GRID1: variants seen among roughly 807,000 people sequenced by gnomAD.
The protein encoded by GRID1 is glutamate receptor ionotropic, delta-1.
A neutral mutation model predicts 98.0 loss-of-function variants in GRID1; 28 were observed. The ratio of observed to expected loss-of-function variants is 0.29; its 90% confidence interval spans 0.21 to 0.39. The LOEUF (loss-of-function observed/expected upper bound fraction) is 0.39, where lower values mean the gene tolerates loss of function less well. Among genes scored for constraint, GRID1 ranks in the 10% least tolerant of loss-of-function variants. GRID1 has a pLI of 1.00. For synonymous variants in GRID1, 553 were observed against 538.5 expected (o/e 1.03, Z -0.37); for missense variants, 1,111 against 1,340.5 (o/e 0.83, Z 2.67).
chr10:85,967,137 A>G (rs901366321), intron 4 of GRID1, among the ~76,000 whole-genome samples: 1 of 152,212 alleles, frequency 6.6e-6, no homozygotes, highest in Non-Finnish European at 1.5e-5. Context: ...GCTTTCTGCC[A>G]TGATTGTGAG....
chr10:85,837,661 G>C (rs913227564), intron 8 of GRID1, among the ~76,000 whole-genome samples: 8 of 151,648 alleles, frequency 5.3e-5, no homozygotes, highest in Admixed American at 4.6e-4. Flanking sequence ...CCATCCAGAG[G>C]TCAGCAACCT....
At chr10:85,704,322 G>A (rs751303267) in intron 12 of GRID1, among the ~76,000 whole-genome samples, 44 of 152,136 alleles carry the variant, frequency 2.9e-4, no homozygotes, top group Non-Finnish European at 4.4e-4. Flanking sequence ...TGCAATCCTA[G>A]TCTCTGATAA....
At chr10:85,811,215 T>C (rs1049644392) in intron 8 of GRID1, among the ~76,000 whole-genome samples, 3 of 152,142 alleles carry the variant, frequency 2.0e-5, no homozygotes, top group Non-Finnish European at 4.4e-5. Flanking sequence ...AATCGACATA[T>C]AAAAACCCAT....
At chr10:85,621,072 C>G (rs1007893944) in intron 13 of GRID1, among the ~76,000 whole-genome samples, 6 of 152,180 alleles carry the variant, frequency 3.9e-5, no homozygotes, top group African/African-American at 1.2e-4. Context: ...GGAGTTTGGG[C>G]ACTCGGAGGG....
rs1365939350 is a variant in GRID1, at chr10:86,247,251, GGATGGATAGATGGATGGATGGATA to G, written c.236-40627_236-40604del. ...TGGAAGGACAGAGGGATGGACAGAT[GGATGGATAGATGGATGGATGGATA>G]GATGGATAGACGGATGGATGGATGG... On this transcript the variant is annotated intron_variant, in intron 2 of 15. Coordinates refer to ENST00000327946, the MANE Select transcript of GRID1 (RefSeq NM_017551.3). Among the ~76,000 whole-genome samples the G allele has an allele frequency of 3.5e-5, 3 of 85,952 alleles. No individual in the cohort carries two copies. The East Asian group carries it at 6.3e-4, about 18-fold the overall frequency. 56.4% of individuals were successfully genotyped at this position (85,952 alleles called of 152,430 possible).
intron 2 of GRID1, among the ~76,000 whole-genome samples, chr10:86,321,326 T>A (rs1193005799): frequency 6.6e-6 from 1 of 152,048 alleles, no homozygotes; most frequent in Admixed American, 6.5e-5. Context: ...TAAAAATGAA[T>A]AGAGATCGGG....
chr10:85,970,692 G>T (rs1423168344), intron 4 of GRID1, among the ~76,000 whole-genome samples: 2 of 151,938 alleles, frequency 1.3e-5, no homozygotes, highest in Non-Finnish European at 2.9e-5. Context: ...CCTGATAAAG[G>T]ACATCTATGA....
chr10:85,613,316 A>G, intron 15 of GRID1, 91 bp downstream of exon 15: 1 of 1,287,950 alleles, frequency 7.8e-7, no homozygotes, highest in Non-Finnish European at 1.1e-6. Context: ...TCAGGTAAAT[A>G]CTAACTAGAA....
intron 4 of GRID1, among the ~76,000 whole-genome samples, chr10:86,068,380 G>A (rs1409316860): frequency 2.6e-5 from 4 of 152,168 alleles, no homozygotes; most frequent in Non-Finnish European, 5.9e-5. Context: ...AAGACCAGCA[G>A]GGAGAGAGAA....
At chr10:86,108,627 C>T (rs1188848774) in intron 4 of GRID1, among the ~76,000 whole-genome samples, 1 of 152,222 alleles carries the variant, frequency 6.6e-6, no homozygotes, top group Non-Finnish European at 1.5e-5. Flanking sequence ...CCTCACATGC[C>T]ATCCCCAGCA....
chr10:85,632,864 A>T (rs1182804350), intron 13 of GRID1, among the ~76,000 whole-genome samples: 1 of 152,118 alleles, frequency 6.6e-6, no homozygotes, highest in Admixed American at 6.6e-5. Flanking sequence ...TTAACTATTT[A>T]TTCTGATGCC....
rs527316581 is a variant in GRID1, at chr10:86,295,903, G to C, written c.235+68038C>G. ...GCACCTGCTCACCTGCACTGTGGAG[G>C]GGCAGTTCCTCAGCTGACTCAAACA... On this transcript the variant is annotated intron_variant, in intron 2 of 15. Coordinates refer to ENST00000327946, the MANE Select transcript of GRID1 (RefSeq NM_017551.3). 2.6e-5 allele frequency among the ~76,000 whole-genome samples: 4 copies of C among 152,318 alleles called. No individual in the cohort carries two copies. The East Asian group carries it at 7.7e-4, about 29-fold the overall frequency.
At position 85,775,175 on chromosome 10, in the gene GRID1, A is replaced by G. The variant is rs575010597; in HGVS notation, c.1234-45561T>C. ...AAAATGATGAGTTCATGTCCTTTGTAGGGATATGGATGAAAGTGGAAATCA... is the reference window on the plus strand; with the variant it reads ...AAAATGATGAGTTCATGTCCTTTGTGGGGATATGGATGAAAGTGGAAATCA... On this transcript the variant is annotated intron_variant, in intron 8 of 15. Transcript: ENST00000327946. 7.2e-5 allele frequency among the ~76,000 whole-genome samples: 11 copies of G among 152,304 alleles called. 1 individual carries two copies. In the South Asian group the frequency reaches 2.3e-3, roughly 32 times the overall value.
At chr10:85,634,281 T>A (rs1843009743) in intron 13 of GRID1, among the ~76,000 whole-genome samples, 1 of 145,712 alleles carries the variant, frequency 6.9e-6, no homozygotes, top group African/African-American at 2.6e-5. Flanking sequence ...TCTCTCTCTC[T>A]CTCTCTCTCT....
At chr10:86,251,722 T>A (rs1846836196) in intron 2 of GRID1, among the ~76,000 whole-genome samples, 1 of 152,108 alleles carries the variant, frequency 6.6e-6, no homozygotes, top group Non-Finnish European at 1.5e-5. Flanking sequence ...GGACCAGGCA[T>A]CAGCCAGATT....
rs564116317 is a variant in GRID1, at chr10:86,243,092, A to G, written c.236-36444T>C. Among the ~76,000 whole-genome samples the G allele has an allele frequency of 2.6e-5, 4 of 152,280 alleles. No homozygotes were observed. In the East Asian group the frequency reaches 7.7e-4, roughly 29 times the overall value. ...AGATGTCAACTCCAGCAGAATGCAT[A>G]TCAACTGTAATTCTCAGTGCTGCTG... is the stretch of plus-strand genomic sequence containing the variant. On this transcript the variant is annotated intron_variant, in intron 2 of 15. Transcript: ENST00000327946.
At chr10:85,697,272 A>AT (rs1364521374) in intron 12 of GRID1, among the ~76,000 whole-genome samples, 1 of 143,422 alleles carries the variant, frequency 7.0e-6, no homozygotes, top group African/African-American at 2.6e-5. Flanking sequence ...GATTTGTCAG[A>AT]TTTTACCTCA....
chr10:86,259,162 G>A (rs1026578201), intron 2 of GRID1, among the ~76,000 whole-genome samples: 1 of 152,260 alleles, frequency 6.6e-6, no homozygotes, highest in Non-Finnish European at 1.5e-5. Flanking sequence ...TGCAGGAGGA[G>A]CTATAAGAAC....
chr10:85,796,846 T>A (rs558271211), intron 8 of GRID1, among the ~76,000 whole-genome samples: 2 of 152,284 alleles, frequency 1.3e-5, no homozygotes, highest in Admixed American at 1.3e-4. Flanking sequence ...AAATTTTATA[T>A]CCAGACAAAT....
Sources: allele counts gnomAD v4.1 joint callset (sites outside exome capture counted in the v4.1 genomes callset), GRCh38; gene constraint gnomAD v4.1.1; transcripts MANE v1.5; gene names NCBI Gene and HGNC (gene_info 2026-07-23, HGNC 2026-07-21).